The following TMEM178B variants were observed in gnomAD, a reference collection of about 807,000 sequenced individuals.
The protein encoded by TMEM178B is transmembrane protein 178B.
TMEM178B carries 5 observed loss-of-function variants against 31.0 expected under a neutral mutation model. The observed-to-expected ratio is 0.16, with a 90% CI of 0.08 to 0.34. TMEM178B has a LOEUF of 0.34. Among genes scored for constraint, TMEM178B ranks in the 10% least tolerant of loss-of-function variants. The pLI, the probability that TMEM178B is intolerant of heterozygous loss-of-function variation, is 1.00. For synonymous variants in TMEM178B, 164 were observed against 164.0 expected (o/e 1.00, Z 0.00); for missense variants, 275 against 400.3 (o/e 0.69, Z 2.67).
At chr7:141,267,608 C>G (rs1277011850) in intron 2 of TMEM178B, among the ~76,000 whole-genome samples, 1 of 152,238 alleles carries the variant, frequency 6.6e-6, no homozygotes, top group African/African-American at 2.4e-5. Context: ...GCTGGAAAAC[C>G]AAGCCATGTC....
chr7:141,303,528 G>A (rs534969076), intron 2 of TMEM178B, among the ~76,000 whole-genome samples: 3 of 152,192 alleles, frequency 2.0e-5, no homozygotes, highest in African/African-American at 7.2e-5. Flanking sequence ...GACGAGCTGC[G>A]TGCTCATGAG....
At chr7:141,493,776 C>G in the TMEM178B span, among the ~76,000 whole-genome samples, 3 of 152,098 alleles carry the variant, frequency 2.0e-5, no homozygotes, top group Admixed American at 6.5e-5. Context: ...TGGCTATTTT[C>G]CCTTCCTTCA....
intron 1 of TMEM178B, among the ~76,000 whole-genome samples, chr7:141,147,764 G>C (rs1479310253): frequency 1.3e-5 from 2 of 152,188 alleles, no homozygotes; most frequent in Non-Finnish European, 2.9e-5. Flanking sequence ...GAGGGATTGA[G>C]CTGAGGATGT....
At chr7:141,345,042 A>C (rs1188614675) in intron 2 of TMEM178B, among the ~76,000 whole-genome samples, 2 of 152,250 alleles carry the variant, frequency 1.3e-5, no homozygotes, top group Non-Finnish European at 2.9e-5. Flanking sequence ...AGCATGTCGC[A>C]TACAAATATG....
chr7:141,396,364 C>G (rs1034332273), intron 2 of TMEM178B, among the ~76,000 whole-genome samples: 1 of 152,216 alleles, frequency 6.6e-6, no homozygotes, highest in African/African-American at 2.4e-5. Flanking sequence ...ATGCCTACTC[C>G]CACCTGCCAC....
intron 1 of TMEM178B, among the ~76,000 whole-genome samples, chr7:141,202,008 T>C (rs1796886185): frequency 6.6e-6 from 1 of 152,240 alleles, no homozygotes; most frequent in Non-Finnish European, 1.5e-5. Flanking sequence ...ATGCCACCTC[T>C]GCCACCTAAT....
chr7:141,446,238 A>G (rs2116695212), intron 3 of TMEM178B, among the ~76,000 whole-genome samples: 1 of 152,324 alleles, frequency 6.6e-6, no homozygotes, highest in South Asian at 2.1e-4. Flanking sequence ...TTTGCCACCC[A>G]ATGGGACCTA....
chr7:141,412,989 C>G (rs2116638365), intron 2 of TMEM178B, among the ~76,000 whole-genome samples: 1 of 152,272 alleles, frequency 6.6e-6, no homozygotes, highest in African/African-American at 2.4e-5. Context: ...TTCTTTAGAT[C>G]TTTGGAAGAA....
At position 141,477,957 on chromosome 7, in the gene TMEM178B, A is replaced by C. The variant is rs1284961186; in HGVS notation, c.*7171A>C. The C allele has an allele frequency of 1.3e-5, 2 of 152,332 alleles. No homozygotes were observed. Among genetic ancestry groups the C allele is most frequent in the African/African-American group, 4.8e-5 (2 of 41,418 alleles). The allele number at this position is 152,332 out of a possible 1,614,324, so 9.4% of individuals were successfully genotyped here. On this transcript the variant is annotated 3_prime_UTR_variant, in exon 4 of 4. Coordinates refer to ENST00000565468, the MANE Select transcript of TMEM178B (RefSeq NM_001195278.2). ...CGATCTCATTTTACTATCAGTCTCT[A>C]CTGACTGAGCTTTGCTGCACTGGGC...
In TMEM178B at chr7:141,378,114, T is replaced by G. The variant is rs564718577; in HGVS notation, c.497-59494T>G. On this transcript the variant is annotated intron_variant, in intron 2 of 3. Coordinates refer to ENST00000565468, the MANE Select transcript of TMEM178B (RefSeq NM_001195278.2). The stretch of plus-strand genomic sequence containing the variant: ...CCTTATTTTTCATGACCTTGACAGT[T>G]TTGAAGAATACTGCTCTGGTATGTT... Among the ~76,000 whole-genome samples, 9 of 152,320 alleles carry G rather than the reference T, an allele frequency of 5.9e-5. No individual in the cohort carries two copies. In the South Asian group the frequency reaches 1.9e-3, roughly 32 times the overall value.
At chr7:141,383,750 G>A (rs1330653288) in intron 2 of TMEM178B, among the ~76,000 whole-genome samples, 8 of 152,148 alleles carry the variant, frequency 5.3e-5, no homozygotes, top group African/African-American at 1.9e-4. Context: ...GAGATGGTGG[G>A]TCAAATGGTA....
chr7:141,219,162 A>G (rs1261967046), intron 2 of TMEM178B, among the ~76,000 whole-genome samples: 1 of 152,172 alleles, frequency 6.6e-6, no homozygotes, highest in Non-Finnish European at 1.5e-5. Flanking sequence ...GCTCCTTTGC[A>G]GATGAGGTAA....
At chr7:141,101,134 G>A (rs1795050902) in intron 1 of TMEM178B, among the ~76,000 whole-genome samples, 1 of 152,144 alleles carries the variant, frequency 6.6e-6, no homozygotes, top group Non-Finnish European at 1.5e-5. Context: ...TATATCCTCT[G>A]GAGCATTAGA....
intron 3 of TMEM178B, among the ~76,000 whole-genome samples, chr7:141,464,133 C>A (rs1420498046): frequency 3.9e-5 from 6 of 152,106 alleles, no homozygotes; most frequent in African/African-American, 1.4e-4. Flanking sequence ...TGCCGTCTTA[C>A]CGCAGGCACA....
At chr7:141,148,994 T>C (rs577305416) in intron 1 of TMEM178B, among the ~76,000 whole-genome samples, 83 of 152,276 alleles carry the variant, frequency 5.5e-4, no homozygotes, top group African/African-American at 1.9e-3. Flanking sequence ...GGCTGTGGCA[T>C]GAAGATGAAG....
At chr7:141,148,898 G>A (rs943918953) in intron 1 of TMEM178B, among the ~76,000 whole-genome samples, 1 of 152,198 alleles carries the variant, frequency 6.6e-6, no homozygotes, top group African/African-American at 2.4e-5. Context: ...TCTTGGGGGT[G>A]GCATCCCAGG....
chr7:141,248,347 G>A (rs1258304426), intron 2 of TMEM178B, among the ~76,000 whole-genome samples: 2 of 152,172 alleles, frequency 1.3e-5, no homozygotes, highest in African/African-American at 4.8e-5. Flanking sequence ...GGAGGCGGAG[G>A]TTGTAGTGAG....
rs542251397 is a variant in TMEM178B at position 141,086,907 on chromosome 7, C to A, written c.382+12215C>A. On this transcript the variant is annotated intron_variant, in intron 1 of 3. Transcript: ENST00000565468. ...TTCACCATGTTGGCCGGGCTCTTAT[C>A]GAACTCCTGACCTCAAGTGATCTGC... 2.6e-5 allele frequency among the ~76,000 whole-genome samples: 4 copies of A among 152,164 alleles called. No homozygotes were observed. In the East Asian group the frequency reaches 7.7e-4, roughly 29 times the overall value.
rs549979796 is a variant in TMEM178B, at chr7:141,466,490, G to A, written c.635-4046G>A. 6.0e-4 allele frequency among the ~76,000 whole-genome samples: 92 copies of A among 152,364 alleles called. 1 individual carries two copies. Among genetic ancestry groups the A allele is most frequent in the African/African-American group, 2.1e-3 (87 of 41,588 alleles). On this transcript the variant is annotated intron_variant, in intron 3 of 3. Transcript: ENST00000565468. ...TGTATATCCAGCTTCATCAGCTACT[G>A]TCAGCTTGGGAAGACCACAGTTTCC...
Sources: gnomAD v4.1 joint callset for allele counts (sites outside exome capture counted in the v4.1 genomes callset) on GRCh38, gnomAD v4.1.1 for gene constraint, MANE v1.5 for transcripts, NCBI Gene and HGNC (gene_info 2026-07-23, HGNC 2026-07-21) for gene names.